The following GPR39 variants were observed in gnomAD, a reference collection of about 807,000 sequenced individuals.
GPR39 encodes zinc sensing receptor.
Under a neutral mutation model 18.4 loss-of-function variants are expected in GPR39, and 23 were observed. That is an observed-to-expected ratio of 1.25 (90% CI 0.90 to 1.77). The LOEUF (loss-of-function observed/expected upper bound fraction) is 1.77, where lower values mean the gene tolerates loss of function less well. GPR39 is among the 40% of genes most tolerant of loss of function. The pLI, the probability that GPR39 is intolerant of heterozygous loss-of-function variation, is 0.00. For synonymous variants in GPR39, 280 were observed against 257.9 expected (o/e 1.09, Z -0.82); for missense variants, 647 against 602.4 (o/e 1.07, Z -0.78).
chr2:132,498,707 C>A (rs1005581259), intron 1 of GPR39, among the ~76,000 whole-genome samples: 1 of 152,152 alleles, frequency 6.6e-6, no homozygotes, highest in Non-Finnish European at 1.5e-5. Flanking sequence ...TGAAAGTATT[C>A]CCTTTTCACT....
intron 1 of GPR39, among the ~76,000 whole-genome samples, chr2:132,496,674 T>TG (rs1681647628): frequency 6.6e-6 from 1 of 152,358 alleles, no homozygotes; most frequent in South Asian, 2.1e-4. Flanking sequence ...ATTTCTGACA[T>TG]GCTGTGCAAA....
At chr2:132,488,141 A>G (rs1292426122) in intron 1 of GPR39, among the ~76,000 whole-genome samples, 3 of 152,178 alleles carry the variant, frequency 2.0e-5, no homozygotes, top group African/African-American at 4.8e-5. Context: ...TCCTGGACTT[A>G]CTTTCTTTCT....
chr2:132,572,392 A>C (rs1193830554), intron 1 of GPR39, among the ~76,000 whole-genome samples: 2 of 152,150 alleles, frequency 1.3e-5, no homozygotes, highest in Non-Finnish European at 2.9e-5. Flanking sequence ...TGAGCAGAGC[A>C]TCCCCACGAG....
At chr2:132,604,139 C>T (rs1354602967) in intron 1 of GPR39, among the ~76,000 whole-genome samples, 2 of 152,098 alleles carry the variant, frequency 1.3e-5, no homozygotes, top group Non-Finnish European at 2.9e-5. Flanking sequence ...TAACCTATCC[C>T]ACATGAGAAG....
intron 1 of GPR39, among the ~76,000 whole-genome samples, chr2:132,440,983 C>G (rs935324134): frequency 6.6e-6 from 1 of 152,148 alleles, no homozygotes; most frequent in African/African-American, 2.4e-5. Context: ...TGCTGTTTGT[C>G]TATGTGGGTA....
chr2:132,508,751 G>T (rs954228359), intron 1 of GPR39, among the ~76,000 whole-genome samples: 3 of 152,204 alleles, frequency 2.0e-5, no homozygotes, highest in Non-Finnish European at 4.4e-5. Context: ...GCCCCAGGGA[G>T]CCTCAGAGAG....
At chr2:132,644,565 CCTGAAA>C (rs1361559318) in intron 1 of GPR39, among the ~76,000 whole-genome samples, 4 of 152,174 alleles carry the variant, frequency 2.6e-5, no homozygotes, top group Non-Finnish European at 5.9e-5. Context: ...CTTTGCTTCC[CCTGAAA>C]CTGAATGCAA....
At chr2:132,515,479 AC>A (rs1679316606) in intron 1 of GPR39, among the ~76,000 whole-genome samples, 1 of 152,190 alleles carries the variant, frequency 6.6e-6, no homozygotes, top group Non-Finnish European at 1.5e-5. Context: ...CTCCCCAGAC[AC>A]CTGTCCCACG....
At chr2:132,549,945 C>T (rs540300443) in intron 1 of GPR39, among the ~76,000 whole-genome samples, 1 of 152,212 alleles carries the variant, frequency 6.6e-6, no homozygotes, top group South Asian at 2.1e-4. Context: ...TTAAATAATC[C>T]GTTTTCCATT....
chr2:132,605,153 G>A (rs1053992309), intron 1 of GPR39, among the ~76,000 whole-genome samples: 8 of 152,158 alleles, frequency 5.3e-5, no homozygotes, highest in Non-Finnish European at 1.2e-4. Context: ...CAGACAGCCC[G>A]ACACCAGACC....
At chr2:132,610,641 G>A (rs781494297) in intron 1 of GPR39, among the ~76,000 whole-genome samples, 1 of 152,008 alleles carries the variant, frequency 6.6e-6, no homozygotes, top group Non-Finnish European at 1.5e-5. Context: ...GCCAGGTGTG[G>A]TGGCACGTAC....
chr2:132,436,523 A>G (rs559310518), intron 1 of GPR39, among the ~76,000 whole-genome samples: 1 of 152,264 alleles, frequency 6.6e-6, no homozygotes, highest in South Asian at 2.1e-4. Flanking sequence ...TGGCCATTTT[A>G]ATAATAATAA....
rs1045507205 is a variant in GPR39 at position 132,535,544 on chromosome 2, A to T, written c.857-109557A>T. On this transcript the variant is annotated intron_variant, in intron 1 of 1. Coordinates refer to ENST00000329321, the MANE Select transcript of GPR39 (RefSeq NM_001508.3). ...TTTTCTTTTTTGTTGTATCTCTGCC[A>T]GGTTTTGGTATCAGGATGATGCTGG... is the stretch of plus-strand genomic sequence containing the variant. Among the ~76,000 whole-genome samples the T allele has an allele frequency of 2.6e-5, 4 of 151,910 alleles. No individual in the cohort carries two copies. The East Asian group carries it at 7.7e-4, about 29-fold the overall frequency.
chr2:132,481,742 G>C (rs559700846), intron 1 of GPR39, among the ~76,000 whole-genome samples: 4 of 152,264 alleles, frequency 2.6e-5, no homozygotes, highest in African/African-American at 9.6e-5. Context: ...GACTCTGTAA[G>C]AAATTATAAA....
intron 1 of GPR39, among the ~76,000 whole-genome samples, chr2:132,635,228 T>C (rs1681729277): frequency 1.3e-5 from 2 of 152,164 alleles, no homozygotes. Flanking sequence ...CCAGAGCCCC[T>C]CACCTGGAAC....
chr2:132,646,447 A>G lies in GPR39; in HGVS notation c.*841A>G. The G allele has an allele frequency of 2.4e-6, 1 of 417,578 alleles. No homozygotes were observed. The highest frequency in any genetic ancestry group is 1.2e-4 in the South Asian group (1 of 8,560). The allele number at this position is 417,578 out of a possible 1,614,324, so 25.9% of individuals were successfully genotyped here. On this transcript the variant is annotated 3_prime_UTR_variant, in exon 2 of 2. Transcript: ENST00000329321. Reference sequence around the variant, plus strand: ...ATTGTCTCATTGATATTCAAGATAGATGGTGAAAGAGACAGGCACTATTTC... The same window carrying G: ...ATTGTCTCATTGATATTCAAGATAGGTGGTGAAAGAGACAGGCACTATTTC...
chr2:132,439,426 G>C (rs1041381559), intron 1 of GPR39, among the ~76,000 whole-genome samples: 1 of 152,226 alleles, frequency 6.6e-6, no homozygotes, highest in African/African-American at 2.4e-5. Flanking sequence ...TTATCCTGTT[G>C]AAAGGCTGCT....
intron 1 of GPR39, among the ~76,000 whole-genome samples, chr2:132,590,454 C>G (rs1573685313): frequency 6.6e-6 from 1 of 152,058 alleles, no homozygotes; most frequent in East Asian, 1.9e-4. Flanking sequence ...CTTAGACAAG[C>G]ACTCAGCCCC....
At chr2:132,478,068 C>T (rs1475709372) in intron 1 of GPR39, among the ~76,000 whole-genome samples, 1 of 152,150 alleles carries the variant, frequency 6.6e-6, no homozygotes, top group Non-Finnish European at 1.5e-5. Flanking sequence ...ACATAATCAC[C>T]AACTATTTGA....
Sources: allele counts gnomAD v4.1 joint callset (sites outside exome capture counted in the v4.1 genomes callset), GRCh38; gene constraint gnomAD v4.1.1; transcripts MANE v1.5; gene names NCBI Gene and HGNC (gene_info 2026-07-23, HGNC 2026-07-21).